FGF12: variants seen among roughly 807,000 people sequenced by gnomAD.
FGF12 encodes the protein fibroblast growth factor 12B.
FGF12 carries 14 observed loss-of-function variants against 23.6 expected under a neutral mutation model. The observed-to-expected ratio is 0.59, with a 90% CI of 0.39 to 0.93. The LOEUF is 0.93. Among genes scored for constraint, FGF12 ranks in the 40% least tolerant of loss-of-function variants. The probability of loss-of-function intolerance (pLI) is 0.00; values close to 1 mark genes in which losing one functional copy is unlikely to be tolerated. For synonymous variants in FGF12, 62 were observed against 77.3 expected (o/e 0.80, Z 1.04); for missense variants, 175 against 217.8 (o/e 0.80, Z 1.24).
intron 3 of FGF12, among the ~76,000 whole-genome samples, chr3:192,356,035 C>T (rs1283471520): frequency 2.0e-5 from 3 of 152,154 alleles, no homozygotes; most frequent in Non-Finnish European, 4.4e-5. Context: ...TTTGCTATTT[C>T]TCAACTATAC....
intron 4 of FGF12, among the ~76,000 whole-genome samples, chr3:192,190,518 C>T (rs989221100): frequency 7.2e-6 from 1 of 138,718 alleles, no homozygotes; most frequent in Non-Finnish European, 1.5e-5. Context: ...CTCTGTCGCC[C>T]AGGCTGGAGT....
intron 5 of FGF12, among the ~76,000 whole-genome samples, chr3:192,167,805 T>G: frequency 7.7e-6 from 1 of 130,550 alleles, no homozygotes. Flanking sequence ...AGAAAGAATC[T>G]TGCTTTATCA....
intron 3 of FGF12, among the ~76,000 whole-genome samples, chr3:192,353,955 T>TA (rs1445670633): frequency 6.6e-6 from 1 of 152,244 alleles, no homozygotes; most frequent in Non-Finnish European, 1.5e-5. Context: ...ATTTCCTTCA[T>TA]AATTTTCCTC....
chr3:192,536,955 C>T (rs770995235), intron 2 of FGF12, among the ~76,000 whole-genome samples: 1 of 152,106 alleles, frequency 6.6e-6, no homozygotes, highest in Non-Finnish European at 1.5e-5. Flanking sequence ...CCCGCCACTA[C>T]ACTTCCTAGC....
At chr3:192,306,081 C>T (rs1270400446) in intron 4 of FGF12, among the ~76,000 whole-genome samples, 1 of 151,870 alleles carries the variant, frequency 6.6e-6, no homozygotes, top group East Asian at 1.9e-4. Context: ...AGGATGGCCT[C>T]GATCTCCTGA....
chr3:192,512,245 T>C lies in FGF12; in HGVS notation c.14-151707A>G, dbSNP rs143936217. On this transcript the variant is annotated intron_variant, in intron 2 of 5. Coordinates refer to ENST00000445105, the MANE Select transcript of FGF12 (RefSeq NM_004113.6). ...CTGAGCTGTTTTTATACATTTGCTC[T>C]GTGAAAAAAAATGTTTGATATCATT... Among the ~76,000 whole-genome samples the C allele has an allele frequency of 4.4e-3, 662 of 152,142 alleles. 5 individuals are homozygous for C. The highest frequency in any genetic ancestry group is 0.015 in the African/African-American group (641 of 41,520).
intron 2 of FGF12, among the ~76,000 whole-genome samples, chr3:192,426,624 C>T (rs993506721): frequency 6.6e-6 from 1 of 152,078 alleles, no homozygotes; most frequent in Non-Finnish European, 1.5e-5. Context: ...CATCAACTTC[C>T]TAAATTACTT....
intron 4 of FGF12, among the ~76,000 whole-genome samples, chr3:192,316,176 A>C (rs1716219360): frequency 6.6e-6 from 1 of 152,202 alleles, no homozygotes; most frequent in Admixed American, 6.5e-5. Flanking sequence ...TTAAAAAATA[A>C]TAATAGATCA....
At chr3:192,179,799 G>C (rs781491977) in intron 4 of FGF12, among the ~76,000 whole-genome samples, 4 of 152,016 alleles carry the variant, frequency 2.6e-5, no homozygotes, top group Non-Finnish European at 5.9e-5. Flanking sequence ...GCCTGCTTTG[G>C]CCTCCCGGGG....
At chr3:192,436,001 G>A (rs11924853) in intron 2 of FGF12, among the ~76,000 whole-genome samples, 68,431 of 152,058 alleles carry the variant, frequency 0.45, 16,156 homozygotes, top group South Asian at 0.53. Flanking sequence ...CAGCGAATAC[G>A]TCTACTTCTC....
At chr3:192,156,982 G>A (rs9845315) in intron 5 of FGF12, among the ~76,000 whole-genome samples, 58,601 of 151,844 alleles carry the variant, frequency 0.39, 11,811 homozygotes, top group East Asian at 0.57. Context: ...TAGAGCTATC[G>A]TAGATTGAAA....
In FGF12 at chr3:192,593,459, T is replaced by G. The variant is rs541994682; in HGVS notation, c.13+133722A>C. Among the ~76,000 whole-genome samples, 90 of 152,048 alleles carry G rather than the reference T, an allele frequency of 5.9e-4. 2 individuals are homozygous for G. The highest frequency in any genetic ancestry group is 7.7e-4 in the Non-Finnish European group (52 of 67,948). On this transcript the variant is annotated intron_variant, in intron 2 of 5. Transcript: ENST00000445105. ...TGTTTATTTGCTGATATATGCTCAT[T>G]TCCACCCATTGGAACATAAACTCCA...
intron 2 of FGF12, among the ~76,000 whole-genome samples, chr3:192,661,886 G>A (rs1281257812): frequency 2.0e-5 from 3 of 152,126 alleles, no homozygotes; most frequent in Admixed American, 6.5e-5. Context: ...AGTTCAAATC[G>A]TAGCTTTACT....
intron 2 of FGF12, among the ~76,000 whole-genome samples, chr3:192,493,593 G>A (rs1723864724): frequency 6.6e-6 from 1 of 152,132 alleles, no homozygotes; most frequent in Non-Finnish European, 1.5e-5. Flanking sequence ...TCTACAGACT[G>A]TACAGGAAGC....
At chr3:192,570,817 T>C (rs1310475832) in intron 2 of FGF12, among the ~76,000 whole-genome samples, 2 of 152,158 alleles carry the variant, frequency 1.3e-5, no homozygotes, top group Non-Finnish European at 2.9e-5. Flanking sequence ...ATAATATGTA[T>C]AAGAAAAAAT....
rs922432619 is a variant in FGF12 at position 192,360,649 on chromosome 3, T to A, written c.14-111A>T. The A allele has an allele frequency of 1.4e-6, 1 of 725,204 alleles. No individual in the cohort carries two copies. The highest frequency in any genetic ancestry group is 2.4e-6 in the Non-Finnish European group (1 of 410,672). The allele number at this position is 725,204 out of a possible 1,614,324, so 44.9% of individuals were successfully genotyped here. ...TACGTAAATGCCAATAGCTTAAATA[T>A]TGAATTATGTATTTGGGAGTTGGGT... On this transcript the variant is annotated intron_variant, in intron 2 of 5. Coordinates refer to ENST00000445105, the MANE Select transcript of FGF12 (RefSeq NM_004113.6). The surrounding 1 kb of genome is among the most constrained non-coding windows in gnomAD (Gnocchi z 4.3).
chr3:192,706,400 C>A (rs1378526670), intron 2 of FGF12, among the ~76,000 whole-genome samples: 1 of 152,132 alleles, frequency 6.6e-6, no homozygotes, highest in Non-Finnish European at 1.5e-5. Context: ...TGAGGCAAAG[C>A]GACTTTGCCA....
chr3:192,207,583 G>A (rs1717720343), intron 4 of FGF12, among the ~76,000 whole-genome samples: 1 of 152,174 alleles, frequency 6.6e-6, no homozygotes, highest in Non-Finnish European at 1.5e-5. Flanking sequence ...AGAGCATATG[G>A]CATGTAGGGG....
At chr3:192,694,729 A>G (rs908435510) in intron 2 of FGF12, among the ~76,000 whole-genome samples, 16 of 152,134 alleles carry the variant, frequency 1.1e-4, no homozygotes, top group Non-Finnish European at 1.8e-4. Context: ...ATTTGCAACA[A>G]CATGGATGAA....
Sources: allele counts gnomAD v4.1 joint callset (sites outside exome capture counted in the v4.1 genomes callset), GRCh38; gene constraint gnomAD v4.1.1; non-coding constraint Gnocchi (gnomAD v3.1); transcripts MANE v1.5; gene names NCBI Gene and HGNC (gene_info 2026-07-23, HGNC 2026-07-21).